Variants in GABRA2 observed in about 807,000 individuals in gnomAD.
GABRA2 encodes the protein gamma-aminobutyric acid receptor subunit alpha-2.
In GABRA2, 16 loss-of-function variants were observed where a neutral mutation model predicts 48.7. The ratio of observed to expected loss-of-function variants is 0.33; its 90% CI spans 0.22 to 0.50. The LOEUF (loss-of-function observed/expected upper bound fraction) is 0.50. GABRA2 is among the 20% of genes least tolerant of loss of function. The probability of loss-of-function intolerance (pLI) is 0.98; values close to 1 mark genes in which losing one functional copy is unlikely to be tolerated. For synonymous variants in GABRA2, 185 were observed against 184.5 expected (o/e 1.00, Z -0.02); for missense variants, 275 against 535.6 (o/e 0.51, Z 4.80).
chr4:46,377,164 G>A (rs1336309687), intron 3 of GABRA2, among the ~76,000 whole-genome samples: 1 of 152,032 alleles, frequency 6.6e-6, no homozygotes, highest in Non-Finnish European at 1.5e-5. Context: ...CACCCCGTCT[G>A]GGAAGTGAGG....
In GABRA2 at chr4:46,244,224, A is replaced by G. The variant is rs1441528506; in HGVS notation, c.*6084T>C. ...ACACATTATGATCAGTTTAAAGCAC[A>G]ATCAATTGCTTCAACGACTATGTCG... is the stretch of plus-strand genomic sequence containing the variant. On this transcript the variant is annotated 3_prime_UTR_variant, in exon 10 of 10. Transcript: ENST00000381620. The G allele has an allele frequency of 6.6e-6, 1 of 151,608 alleles. No individual in the cohort carries two copies. The highest frequency in any genetic ancestry group is 1.5e-5 in the Non-Finnish European group (1 of 67,694). The allele number at this position is 151,608 out of a possible 1,614,324, so 9.4% of individuals were successfully genotyped here.
intron 4 of GABRA2, among the ~76,000 whole-genome samples, chr4:46,328,824 C>T (rs1488226013): frequency 6.6e-6 from 1 of 152,030 alleles, no homozygotes; most frequent in Non-Finnish European, 1.5e-5. Context: ...CCATACTAAA[C>T]ATAAATTCAA....
intron 9 of GABRA2, among the ~76,000 whole-genome samples, chr4:46,259,719 CA>C (rs1716578867): frequency 6.6e-6 from 1 of 151,498 alleles, no homozygotes; most frequent in African/African-American, 2.4e-5. Flanking sequence ...TTACTAATGT[CA>C]AAACAAAAGG....
At chr4:46,287,641 A>C (rs1476065810) in intron 8 of GABRA2, among the ~76,000 whole-genome samples, 1 of 68,284 alleles carries the variant, frequency 1.5e-5, no homozygotes, top group African/African-American at 6.1e-5. Context: ...GGGTGGGGGG[A>C]GGGGGGAGGG....
intron 3 of GABRA2, among the ~76,000 whole-genome samples, chr4:46,347,245 T>C (rs1156650695): frequency 6.6e-6 from 1 of 151,938 alleles, no homozygotes; most frequent in Non-Finnish European, 1.5e-5. Flanking sequence ...AAAACAATCT[T>C]AAAACTTGTA....
At chr4:46,308,316 A>G (rs1053785234) in intron 6 of GABRA2, among the ~76,000 whole-genome samples, 2 of 152,002 alleles carry the variant, frequency 1.3e-5, no homozygotes, top group African/African-American at 2.4e-5. Context: ...AAGCACACAG[A>G]AAAAAAATGC....
intron 9 of GABRA2, among the ~76,000 whole-genome samples, chr4:46,258,386 C>T (rs1275555008): frequency 1.3e-5 from 2 of 151,790 alleles, no homozygotes; most frequent in African/African-American, 4.8e-5. Flanking sequence ...TAATCATTTA[C>T]AAGGGCAGGG....
Position 46,294,951 on chromosome 4 carries a change from C to A in GABRA2, c.856+8509G>T, listed in dbSNP as rs373712294. ...GCATGTGATCAGGCTCAAGCTGGTC[C>A]TGAAGGCACAAGTAAATTACATGAG... On this transcript the variant is annotated intron_variant, in intron 8 of 9. Transcript: ENST00000381620. Among the ~76,000 whole-genome samples, 12 of 152,320 alleles carry A rather than the reference C, an allele frequency of 7.9e-5. No homozygotes were observed. The East Asian group carries it at 1.3e-3, about 17-fold the overall frequency.
chr4:46,357,189 T>C (rs894111127), intron 3 of GABRA2, among the ~76,000 whole-genome samples: 3 of 151,390 alleles, frequency 2.0e-5, no homozygotes, highest in Non-Finnish European at 2.9e-5. Context: ...ACTCCTAGGG[T>C]GAAATATTAA....
Position 46,248,998 on chromosome 4 carries a change from T to C in GABRA2, c.*1310A>G, listed in dbSNP as rs957917215. ...TACCCATTAATAACTAGTAATTATA[T>C]AAAATTTAAAATTGTGTTTTCTAAT... On this transcript the variant is annotated 3_prime_UTR_variant, in exon 10 of 10. Transcript: ENST00000381620. 1.3e-5 allele frequency: 2 copies of C among 149,932 alleles called. No individual in the cohort carries two copies. The highest frequency in any genetic ancestry group is 4.9e-5 in the African/African-American group (2 of 40,742). 9.3% of individuals were successfully genotyped at this position (149,932 alleles called of 1,614,324 possible).
chr4:46,297,669 T>C (rs2109585485), intron 8 of GABRA2, among the ~76,000 whole-genome samples: 1 of 151,632 alleles, frequency 6.6e-6, no homozygotes, highest in South Asian at 2.1e-4. Context: ...ACTAAAGATT[T>C]GTCAATTCTG....
intron 3 of GABRA2, among the ~76,000 whole-genome samples, chr4:46,375,822 T>C (rs1340047128): frequency 6.6e-6 from 1 of 152,204 alleles, no homozygotes; most frequent in African/African-American, 2.4e-5. Context: ...TGGGTCTTGC[T>C]CGTGATAGTA....
chr4:46,386,080 G>T lies in GABRA2; in HGVS notation c.181C>A (p.Leu61Met). 1 of 1,597,868 alleles carries T rather than the reference G, an allele frequency of 6.3e-7. No individual in the cohort carries two copies. Among genetic ancestry groups the T allele is most frequent in the African/African-American group, 1.3e-5 (1 of 74,550 alleles). ...AGAGGAAAACTATTTTTACCTCCCA[G>T]TCCTGGTCTAAGCCGATTATCGTAA... ...DGYDNRLRPG[L>M]GDSITEVFTN... The change falls in exon 3 of 10, where the codon CTG (leucine) becomes ATG (methionine). Residue 61 changes from leucine (L) to methionine (M), a missense_variant. By Grantham distance (15) the Leu-to-Met change is conservative. Around this residue, in one of 4 missense-constraint regions of GABRA2, gnomAD observed 113 missense variants for 257.1 expected, o/e 0.44. Coordinates refer to ENST00000381620, the MANE Select transcript of GABRA2 (RefSeq NM_000807.4).
intron 8 of GABRA2, among the ~76,000 whole-genome samples, chr4:46,289,835 T>C (rs1037932072): frequency 6.6e-6 from 1 of 152,226 alleles, no homozygotes; most frequent in South Asian, 2.1e-4. Flanking sequence ...ACTGTAGCTT[T>C]GTAGTAGGTT....
rs146105426 is a variant in GABRA2, at chr4:46,303,417, A to C, written c.856+43T>G. 19 of 1,533,032 alleles carry C rather than the reference A, an allele frequency of 1.2e-5. No homozygotes were observed. In the South Asian group the frequency reaches 2.0e-4, roughly 16 times the overall value. The allele number at this position is 1,533,032 out of a possible 1,614,324, so 95.0% of individuals were successfully genotyped here. ...GAGATAATGTTTTTGAAAGTATGCTATGAAACATAATGTGCTGTACTGCAA... is the reference window on the plus strand; with the variant it reads ...GAGATAATGTTTTTGAAAGTATGCTCTGAAACATAATGTGCTGTACTGCAA... On this transcript the variant is annotated intron_variant, in intron 8 of 9. Coordinates refer to ENST00000381620, the MANE Select transcript of GABRA2 (RefSeq NM_000807.4).
chr4:46,348,428 T>A (rs1473353322), intron 3 of GABRA2, among the ~76,000 whole-genome samples: 1 of 152,078 alleles, frequency 6.6e-6, no homozygotes, highest in African/African-American at 2.4e-5. Flanking sequence ...TTACTGGGCA[T>A]ATAACCAAAG....
chr4:46,256,976 A>G (rs1440889722), intron 9 of GABRA2, among the ~76,000 whole-genome samples: 1 of 151,640 alleles, frequency 6.6e-6, no homozygotes, highest in Non-Finnish European at 1.5e-5. Context: ...ACTGACTCAG[A>G]TTTAGAATTG....
chr4:46,323,412 TC>T (rs1453371919), intron 4 of GABRA2, among the ~76,000 whole-genome samples: 13 of 147,528 alleles, frequency 8.8e-5, no homozygotes, highest in African/African-American at 2.8e-4. Context: ...ATCTTTTTTT[TC>T]CCTAAAAACC....
chr4:46,263,082 T>TACATATAC (rs1717382563), intron 8 of GABRA2, among the ~76,000 whole-genome samples: 1 of 151,790 alleles, frequency 6.6e-6, no homozygotes, highest in African/African-American at 2.4e-5. Context: ...CGTACATATA[T>TACATATAC]ACATATACAT....
Sources: gnomAD v4.1 joint callset for allele counts (sites outside exome capture counted in the v4.1 genomes callset) on GRCh38, gnomAD v4.1.1 for gene constraint, gnomAD v4.1.1 regional missense constraint, MANE v1.5 for transcripts, NCBI Gene and HGNC (gene_info 2026-07-23, HGNC 2026-07-21) for gene names.